The following BLM variants were observed in gnomAD, a reference collection of about 807,000 sequenced individuals.
BLM encodes the protein recQ-like DNA helicase BLM.
In BLM, 95 loss-of-function variants were observed where a neutral mutation model predicts 135.3. That is an observed-to-expected ratio of 0.70 (90% confidence interval 0.59 to 0.83). BLM has a LOEUF of 0.83. Among genes scored for constraint, BLM ranks in the 40% least tolerant of loss-of-function variants. The pLI is 0.00. For missense variants in BLM, 1,518 were observed against 1,663.9 expected, an observed-to-expected ratio of 0.91 and a Z score of 1.53; for synonymous variants, 520 against 589.2, an observed-to-expected ratio of 0.88 and a Z score of 1.70.
At chr15:90,765,275 T>C in intron 8 of BLM, 21 bp from the exon 9 acceptor site, 1 of 1,536,296 alleles carries the variant, frequency 6.5e-7, no homozygotes, top group Non-Finnish European at 9.0e-7. Flanking sequence ...TGACAGATAT[T>C]TTTTCATTGT....
At chr15:90,735,774 A>T (rs1335712235) in intron 1 of BLM, among the ~76,000 whole-genome samples, 3 of 152,146 alleles carry the variant, frequency 2.0e-5, no homozygotes, top group Admixed American at 2.0e-4. Context: ...GCAATAAAAG[A>T]GGGGGAAAAA....
chr15:90,814,997 A>G, intron 21 of BLM, 105 bp from the exon 22 acceptor site: 4 of 1,200,736 alleles, frequency 3.3e-6, no homozygotes, highest in Non-Finnish European at 4.8e-6. Flanking sequence ...ACAAGGACAC[A>G]TTAGGCCCAG....
At chr15:90,756,294 A>G (rs2283447) in intron 5 of BLM, among the ~76,000 whole-genome samples, 25,425 of 152,002 alleles carry the variant, frequency 0.17, 2,251 homozygotes, top group East Asian at 0.29. Context: ...TAATAGAGAC[A>G]GGGTTTCACC....
At chr15:90,744,341 G>A (rs1028187744) in intron 1 of BLM, among the ~76,000 whole-genome samples, 9 of 152,012 alleles carry the variant, frequency 5.9e-5, no homozygotes, top group Non-Finnish European at 1.2e-4. Flanking sequence ...AAGAGGGGAC[G>A]CCTCAACAAA....
intron 12 of BLM, among the ~76,000 whole-genome samples, chr15:90,779,825 A>T (rs1014320374): frequency 3.3e-5 from 5 of 152,168 alleles, no homozygotes; most frequent in African/African-American, 1.2e-4. Context: ...TTCACCCTTA[A>T]CAGAAATAAG....
intron 5 of BLM, among the ~76,000 whole-genome samples, chr15:90,757,016 TA>T (rs1895836909): frequency 6.6e-6 from 1 of 152,224 alleles, no homozygotes. Context: ...TCATAAATGA[TA>T]ACTATTGTTA....
chr15:90,814,153 T>G (rs181157902), intron 21 of BLM, among the ~76,000 whole-genome samples: 158 of 152,280 alleles, frequency 1.0e-3, no homozygotes, highest in Non-Finnish European at 1.5e-3. Context: ...GTCATGGAGC[T>G]CCATCAGAAT....
chr15:90,766,983 A>G lies in BLM; in HGVS notation c.2267A>G (p.Lys756Arg), dbSNP rs762439709. ...ATNIYLQLSK[K>R]DPIIKLLYVT... ...AATATTTACCTCCAGTTATCAAAAA[A>G]AGACCCAATCATAAAACTTCTATAT... Residue 756 changes from lysine (K) to arginine (R), a missense_variant, in exon 10 of 22, where the codon AAA becomes AGA. This residue lies in a region of BLM where 626 missense variants were observed against 681.1 expected (regional missense o/e 0.92). Transcript: ENST00000355112. 6.2e-7 allele frequency: 1 copy of G among 1,601,242 alleles called. No individual in the cohort carries two copies. The highest frequency in any genetic ancestry group is 8.6e-7 in the Non-Finnish European group (1 of 1,169,352).
chr15:90,748,918 C>T (rs1484402176), intron 2 of BLM, among the ~76,000 whole-genome samples: 1 of 151,930 alleles, frequency 6.6e-6, no homozygotes, highest in African/African-American at 2.4e-5. Context: ...CCACTATGCC[C>T]GGCTAATTTT....
At chr15:90,804,140 C>T (rs1011166459) in intron 18 of BLM, 27 bp from the exon 19 acceptor site, 5 of 1,598,442 alleles carry the variant, frequency 3.1e-6, no homozygotes, top group Non-Finnish European at 4.3e-6. Context: ...TATACCCACT[C>T]CTATGATTTG....
intron 1 of BLM, among the ~76,000 whole-genome samples, chr15:90,742,140 G>A (rs961334661): frequency 1.3e-5 from 2 of 152,166 alleles, no homozygotes; most frequent in African/African-American, 4.8e-5. Flanking sequence ...AGAACAGAAA[G>A]TTGCTTGCCC....
intron 15 of BLM, among the ~76,000 whole-genome samples, chr15:90,793,348 T>G (rs1048621804): frequency 3.1e-4 from 47 of 152,054 alleles, no homozygotes; most frequent in African/African-American, 1.1e-3. Context: ...TTGGCCAGGC[T>G]GGTCTCAAGC....
At chr15:90,802,489 C>T (rs1897187209) in intron 17 of BLM, among the ~76,000 whole-genome samples, 1 of 152,198 alleles carries the variant, frequency 6.6e-6, no homozygotes, top group South Asian at 2.1e-4. Flanking sequence ...CTTCATCTCT[C>T]CCCTTGAGCA....
chr15:90,768,395 G>T (rs890710142), intron 10 of BLM, among the ~76,000 whole-genome samples: 1 of 152,100 alleles, frequency 6.6e-6, no homozygotes, highest in Admixed American at 6.6e-5. Context: ...GACATGTCCC[G>T]GTCAAGATGT....
rs187397588 is a variant in BLM at position 90,723,277 on chromosome 15, G to A, written c.-5+5837G>A. Among the ~76,000 whole-genome samples, 105 of 151,666 alleles carry A rather than the reference G, an allele frequency of 6.9e-4. 1 individual carries two copies. The highest frequency in any genetic ancestry group is 1.6e-3 in the Admixed American group (25 of 15,224). On this transcript the variant is annotated intron_variant, in intron 1 of 21. Transcript: ENST00000355112. ...GGGATAATACTATATGCATTCTACT[G>A]AGTCTTTCTAGTTTGCGTTATTATG...
At position 90,767,894 on chromosome 15, in the gene BLM, A is replaced by G. The variant is rs181854554; in HGVS notation, c.2307+871A>G. Among the ~76,000 whole-genome samples the G allele has an allele frequency of 9.7e-4, 147 of 152,146 alleles. 1 individual carries two copies. Among genetic ancestry groups the G allele is most frequent in the African/African-American group, 3.3e-3 (138 of 41,518 alleles). On this transcript the variant is annotated intron_variant, in intron 10 of 21. Coordinates refer to ENST00000355112, the MANE Select transcript of BLM (RefSeq NM_000057.4). Reference sequence around the variant, plus strand: ...ATGATAGATATAAAATTATTTTTTAAATGTAGTTGGTGTTTTGCCATAAGG... The same window carrying G: ...ATGATAGATATAAAATTATTTTTTAGATGTAGTTGGTGTTTTGCCATAAGG...
At chr15:90,766,520 C>A (rs748948812) in intron 9 of BLM, among the ~76,000 whole-genome samples, 1 of 152,114 alleles carries the variant, frequency 6.6e-6, no homozygotes, top group Non-Finnish European at 1.5e-5. Context: ...CTCTGCCTCC[C>A]AAGCTCCAGC....
In BLM at chr15:90,761,109, C is replaced by A; in HGVS notation, c.1736C>A (p.Ser579Tyr). 6.5e-7 allele frequency: 1 copy of A among 1,544,058 alleles called. No individual in the cohort carries two copies. The highest frequency in any genetic ancestry group is 8.7e-7 in the Non-Finnish European group (1 of 1,150,504). Residue 579 changes from serine to tyrosine, a missense_variant, in exon 7 of 22, where the codon TCT (serine) becomes TAT (tyrosine). Physicochemically the swap from Ser to Tyr is moderately radical, Grantham distance 144. Coordinates refer to ENST00000355112, the MANE Select transcript of BLM (RefSeq NM_000057.4). Reference protein sequence around the residue: ...DIMHNLAASKSSTAAYQPIKE... With the variant: ...DIMHNLAASKYSTAAYQPIKE... ...ATGCATAATTTAGCAGCCAGCAAATCTTCCACAGCTGCCTATCAACCCATC... is the reference window on the plus strand; with the variant it reads ...ATGCATAATTTAGCAGCCAGCAAATATTCCACAGCTGCCTATCAACCCATC...
intron 19 of BLM, among the ~76,000 whole-genome samples, chr15:90,805,559 G>C (rs1307244769): frequency 6.6e-6 from 1 of 151,704 alleles, no homozygotes; most frequent in African/African-American, 2.4e-5. Flanking sequence ...GGAGGCCAAG[G>C]CAGGTGGATC....
Sources: gnomAD v4.1 joint callset for allele counts (sites outside exome capture counted in the v4.1 genomes callset) on GRCh38, gnomAD v4.1.1 for gene constraint, gnomAD v4.1.1 regional missense constraint, MANE v1.5 for transcripts, NCBI Gene and HGNC (gene_info 2026-07-23, HGNC 2026-07-21) for gene names.